PODXL: variants seen among roughly 807,000 people sequenced by gnomAD.
The protein encoded by PODXL is podocalyxin like, also known as podocalyxin.
In PODXL, 20 loss-of-function variants were observed where a neutral mutation model predicts 48.9. That is an observed-to-expected ratio of 0.41 (90% CI 0.29 to 0.59). The LOEUF (loss-of-function observed/expected upper bound fraction) is 0.59. Ranked by LOEUF, PODXL falls within the 20% of genes least tolerant of loss-of-function variation. PODXL has a pLI of 0.31. For synonymous variants in PODXL, 295 were observed against 287.4 expected (o/e 1.03, Z -0.27); for missense variants, 606 against 675.1 (o/e 0.90, Z 1.13).
intron 1 of PODXL, among the ~76,000 whole-genome samples, chr7:131,518,211 G>A (rs1798033561): frequency 6.6e-6 from 1 of 152,084 alleles, no homozygotes; most frequent in Non-Finnish European, 1.5e-5. Flanking sequence ...TTTGCGGGGG[G>A]AATGCCATTC....
chr7:131,556,309 C>T lies in PODXL; in HGVS notation c.51G>A (p.Pro17=), dbSNP rs1236304212. Residue 17 remains proline, a synonymous_variant, in exon 1 of 9, where the codon CCG becomes CCA. Coordinates refer to ENST00000378555, the MANE Select transcript of PODXL (RefSeq NM_001018111.3). ...GCGACGGCGACGACGGCAGCAGCGGCGGCGTTGACAACAGTAGCAGCAGCG... is the reference window on the plus strand; with the variant it reads ...GCGACGGCGACGACGGCAGCAGCGGTGGCGTTGACAACAGTAGCAGCAGCG... ...LSALLLLLST[P]PLLPSSPSPS... is the part of the protein sequence containing the mutation. 6.6e-7 allele frequency: 1 copy of T among 1,505,148 alleles called. No homozygotes were observed. Among genetic ancestry groups the T allele is most frequent in the Non-Finnish European group, 8.8e-7 (1 of 1,131,274 alleles). 93.2% of individuals were successfully genotyped at this position (1,505,148 alleles called of 1,614,324 possible).
intron 1 of PODXL, among the ~76,000 whole-genome samples, chr7:131,516,923 TTGCCCAG>T (rs1187350654): frequency 5.9e-5 from 9 of 152,114 alleles, no homozygotes; most frequent in African/African-American, 1.7e-4. Context: ...TCTCCCTATG[TTGCCCAG>T]GCTGGTCTCG....
At chr7:131,538,520 A>C (rs1798421257) in intron 1 of PODXL, among the ~76,000 whole-genome samples, 1 of 152,010 alleles carries the variant, frequency 6.6e-6, no homozygotes, top group Admixed American at 6.5e-5. Context: ...CTACCCCCTA[A>C]CAGGACCCAG....
At chr7:131,539,399 C>G (rs7792334) in intron 1 of PODXL, among the ~76,000 whole-genome samples, 19,262 of 152,188 alleles carry the variant, frequency 0.13, 1,310 homozygotes, top group South Asian at 0.22. Flanking sequence ...ATTGTGATCT[C>G]GGCTTACTGC....
In PODXL at chr7:131,511,225, G is replaced by A; in HGVS notation, c.309C>T (p.Val103=). ...CGCCTCCTCTAGCCACGGTAGTGTTGACTGGGCCTGAGACTTGCTGAGCCA... is the reference window on the plus strand; with the variant it reads ...CGCCTCCTCTAGCCACGGTAGTGTTAACTGGGCCTGAGACTTGCTGAGCCA... The part of the protein sequence containing the change: ...TTLAQQVSGP[V]NTTVARGGGS... Residue 103 remains valine (V), a synonymous_variant, in exon 2 of 9, where the codon GTC becomes GTT. Coordinates refer to ENST00000378555, the MANE Select transcript of PODXL (RefSeq NM_001018111.3). The A allele has an allele frequency of 1.2e-6, 2 of 1,614,068 alleles. No individual in the cohort carries two copies. The highest frequency in any genetic ancestry group is 1.7e-6 in the Non-Finnish European group (2 of 1,180,018).
chr7:131,554,088 TGAA>T (rs1049683207), intron 1 of PODXL, among the ~76,000 whole-genome samples: 1 of 152,160 alleles, frequency 6.6e-6, no homozygotes, highest in Non-Finnish European at 1.5e-5. Context: ...TTTCTTGCTT[TGAA>T]TCAAATCACA....
chr7:131,546,589 G>C (rs1380752796), intron 1 of PODXL, among the ~76,000 whole-genome samples: 1 of 152,024 alleles, frequency 6.6e-6, no homozygotes, highest in East Asian at 1.9e-4. Flanking sequence ...AGCTGGGCTT[G>C]GGGGCAGGTG....
Position 131,504,016 on chromosome 7 carries a change from T to A in PODXL, c.*295A>T. The A allele has an allele frequency of 2.3e-6, 1 of 441,130 alleles. No individual in the cohort carries two copies. Among genetic ancestry groups the A allele is most frequent in the East Asian group, 4.7e-5 (1 of 21,096 alleles). The allele number at this position is 441,130 out of a possible 1,614,324, so 27.3% of individuals were successfully genotyped here. On this transcript the variant is annotated 3_prime_UTR_variant, in exon 9 of 9. Coordinates refer to ENST00000378555, the MANE Select transcript of PODXL (RefSeq NM_001018111.3). Reference sequence around the variant, plus strand: ...AGGTCTCGGCAATCTCACTGCAGAATGAAGGGATTCCACTAGTTCATCTAT... The same window carrying A: ...AGGTCTCGGCAATCTCACTGCAGAAAGAAGGGATTCCACTAGTTCATCTAT...
intron 1 of PODXL, among the ~76,000 whole-genome samples, chr7:131,513,425 T>C (rs1797947662): frequency 1.3e-5 from 2 of 152,238 alleles, no homozygotes; most frequent in African/African-American, 4.8e-5. Context: ...AGGGGGCTGA[T>C]GGCTGCATCC....
rs192277384 is a variant in PODXL at position 131,551,893 on chromosome 7, C to T, written c.100+4367G>A. 2.2e-3 allele frequency among the ~76,000 whole-genome samples: 326 copies of T among 149,494 alleles called. 2 individuals carry two copies. The highest frequency in any genetic ancestry group is 1.4e-3 in the Admixed American group (21 of 14,996). On this transcript the variant is annotated intron_variant, in intron 1 of 8. Coordinates refer to ENST00000378555, the MANE Select transcript of PODXL (RefSeq NM_001018111.3). Reference sequence around the variant, plus strand: ...TGGAGCTTGTAGTGAGCTGAGATCACGCCACTGCAGTCCAGCCTGGGTGAC... The same window carrying T: ...TGGAGCTTGTAGTGAGCTGAGATCATGCCACTGCAGTCCAGCCTGGGTGAC...
rs1797694304 is a variant in PODXL at position 131,501,123 on chromosome 7, A to C, written c.*3188T>G. The C allele has an allele frequency of 6.6e-6, 1 of 152,086 alleles. No homozygotes were observed. The highest frequency in any genetic ancestry group is 1.5e-5 in the Non-Finnish European group (1 of 67,920). The allele number at this position is 152,086 out of a possible 1,614,324, so 9.4% of individuals were successfully genotyped here. A position where few individuals can be genotyped will look rare whatever the true frequency, so the allele number is the denominator to read the frequency against. ...TAAAATTAAAAAAACAAAACAAAAC[A>C]CCTGATCTACAAGACAAATACTTTA... On this transcript the variant is annotated 3_prime_UTR_variant, in exon 9 of 9. Coordinates refer to ENST00000378555, the MANE Select transcript of PODXL (RefSeq NM_001018111.3).
chr7:131,507,579 T>C (rs1418721706), intron 5 of PODXL, among the ~76,000 whole-genome samples: 1 of 151,748 alleles, frequency 6.6e-6, no homozygotes, highest in Non-Finnish European at 1.5e-5. Context: ...ACCCCTAAGG[T>C]TTCTACCAGA....
At chr7:131,545,194 T>C (rs1172955810) in intron 1 of PODXL, among the ~76,000 whole-genome samples, 1 of 152,162 alleles carries the variant, frequency 6.6e-6, no homozygotes, top group Non-Finnish European at 1.5e-5. Flanking sequence ...GCCTCCCACT[T>C]CTGGCTGAGA....
At position 131,511,188 on chromosome 7, in the gene PODXL, G is replaced by T. The variant is rs1797907704; in HGVS notation, c.346C>A (p.Pro116Thr). Residue 116 changes from proline to threonine, a missense_variant, in exon 2 of 9, where the codon CCT (proline) becomes ACT (threonine). Coordinates refer to ENST00000378555, the MANE Select transcript of PODXL (RefSeq NM_001018111.3). ...TTGGGGCTCTCGATGGTGGTAGTAG[G>T]GTTGCCTGAGCCGCCTCCTCTAGCC... ...TVARGGGSGN[P>T]TTTIESPKST... 1 of 1,613,916 alleles carries T rather than the reference G, an allele frequency of 6.2e-7. No homozygotes were observed. The highest frequency in any genetic ancestry group is 1.3e-5 in the African/African-American group (1 of 74,870).
chr7:131,554,453 T>A (rs909225364), intron 1 of PODXL, among the ~76,000 whole-genome samples: 1 of 152,228 alleles, frequency 6.6e-6, no homozygotes, highest in African/African-American at 2.4e-5. Context: ...CACTGGGTTA[T>A]GGTCATTTTT....
chr7:131,511,059 CA>C lies in PODXL; in HGVS notation c.474del (p.Ser162AlafsTer5), dbSNP rs1562904662. The C allele has an allele frequency of 6.2e-7, 1 of 1,614,058 alleles. No homozygotes were observed. Among genetic ancestry groups the C allele is most frequent in the Non-Finnish European group, 8.5e-7 (1 of 1,180,028 alleles). ...GTCACACTGTGGCTGCTTTTCCCCC[CA>C]GAGTTTGTTGTATCTTCTGCTCCAT... is the stretch of plus-strand genomic sequence containing the variant. ...SQNGAEDTTN[S>X]GGKSSHSVTT... is the part of the protein sequence containing the mutation. On this transcript the variant is annotated frameshift_variant, in exon 2 of 9. Transcript: ENST00000378555. LOFTEE classifies it high-confidence loss of function.
At chr7:131,506,221 T>C (rs1341531236) in intron 7 of PODXL, 39 bp downstream of exon 7, 4 of 1,606,582 alleles carry the variant, frequency 2.5e-6, no homozygotes, top group East Asian at 2.2e-5. Context: ...ACAAGGGGCT[T>C]CGGAGCCACT....
At chr7:131,545,679 C>T (rs774147462) in intron 1 of PODXL, among the ~76,000 whole-genome samples, 6 of 152,130 alleles carry the variant, frequency 3.9e-5, no homozygotes, top group South Asian at 4.1e-4. Context: ...AGTTAAAGTA[C>T]GTTTGGGGAA....
chr7:131,506,788 GC>G, intron 5 of PODXL, 62 bp from the exon 6 acceptor site: 1 of 1,517,034 alleles, frequency 6.6e-7, no homozygotes, highest in Non-Finnish European at 8.8e-7. Flanking sequence ...GGCCTGTGGG[GC>G]TGCCCTCCCA....
Sources: gnomAD v4.1 joint callset for allele counts (sites outside exome capture counted in the v4.1 genomes callset) on GRCh38, gnomAD v4.1.1 for gene constraint, MANE v1.5 for transcripts, NCBI Gene and HGNC (gene_info 2026-07-23, HGNC 2026-07-21) for gene names.